SKAP2: variants seen among roughly 807,000 people sequenced by gnomAD.
SKAP2 encodes src kinase associated phosphoprotein 2.
SKAP2 carries 28 observed loss-of-function variants against 54.9 expected under a neutral mutation model. The ratio of observed to expected loss-of-function variants is 0.51; its 90% CI spans 0.38 to 0.70. The LOEUF is 0.70. Ranked by LOEUF, SKAP2 falls within the 30% of genes least tolerant of loss-of-function variation. SKAP2 has a pLI of 0.00. For missense variants in SKAP2, 356 were observed against 424.1 expected (o/e 0.84, Z 1.41); for synonymous variants, 137 against 134.3 (o/e 1.02, Z -0.14).
At chr7:26,860,269 C>T (rs868274926) in intron 1 of SKAP2, among the ~76,000 whole-genome samples, 1 of 152,076 alleles carries the variant, frequency 6.6e-6, no homozygotes, top group Admixed American at 6.6e-5. Flanking sequence ...AAAAGCAGGA[C>T]ATTATATACT....
chr7:26,834,777 C>A lies in SKAP2; in HGVS notation c.307+9253G>T, dbSNP rs148291025. Among the ~76,000 whole-genome samples, 1,348 of 152,264 alleles carry A rather than the reference C, an allele frequency of 8.9e-3. 20 individuals carry two copies. Among genetic ancestry groups the A allele is most frequent in the African/African-American group, 0.031 (1,287 of 41,536 alleles). On this transcript the variant is annotated intron_variant, in intron 4 of 12. Transcript: ENST00000345317. ...ATTCTACCAGAGGTACAAAGAGGAT[C>A]TGGTACCATTCCTTCTGAAACTATT...
intron 4 of SKAP2, among the ~76,000 whole-genome samples, chr7:26,832,130 T>C (rs772787363): frequency 8.5e-5 from 13 of 152,246 alleles, no homozygotes; most frequent in Non-Finnish European, 1.5e-5. Context: ...TTCTTCCTTC[T>C]TTAACCTCTT....
At chr7:26,820,933 CT>C (rs1784373201) in intron 4 of SKAP2, among the ~76,000 whole-genome samples, 1 of 152,116 alleles carries the variant, frequency 6.6e-6, no homozygotes, top group African/African-American at 2.4e-5. Flanking sequence ...CTACTACAAT[CT>C]TTTGAAATAC....
chr7:26,736,302 T>A (rs1787938605), intron 6 of SKAP2, among the ~76,000 whole-genome samples: 1 of 152,148 alleles, frequency 6.6e-6, no homozygotes, highest in South Asian at 2.1e-4. Context: ...GTGATGAAAA[T>A]GACCTTTGGT....
intron 4 of SKAP2, among the ~76,000 whole-genome samples, chr7:26,770,750 C>T (rs2127974754): frequency 6.6e-6 from 1 of 152,264 alleles, no homozygotes. Flanking sequence ...AGATGATGCT[C>T]CACCCTGCTT....
chr7:26,725,833 A>T (rs1787695330), intron 8 of SKAP2, 90 bp downstream of exon 8: 1 of 1,054,868 alleles, frequency 9.5e-7, no homozygotes, highest in Non-Finnish European at 1.4e-6. Context: ...TTCTCACAGA[A>T]GTCAATAAGC....
chr7:26,763,454 C>G (rs1328568735), intron 4 of SKAP2, among the ~76,000 whole-genome samples: 2 of 152,114 alleles, frequency 1.3e-5, no homozygotes, highest in Non-Finnish European at 2.9e-5. Flanking sequence ...CTATCCATCC[C>G]TGATGATGTT....
intron 4 of SKAP2, among the ~76,000 whole-genome samples, chr7:26,840,368 C>G (rs535675009): frequency 6.6e-6 from 1 of 152,052 alleles, no homozygotes; most frequent in Non-Finnish European, 1.5e-5. Flanking sequence ...ATCCTTTCAC[C>G]TTACCTTAGA....
At chr7:26,719,530 G>A (rs1272896162) in intron 9 of SKAP2, among the ~76,000 whole-genome samples, 5 of 152,088 alleles carry the variant, frequency 3.3e-5, no homozygotes, top group Non-Finnish European at 7.4e-5. Flanking sequence ...CACACCCACC[G>A]GTCTTTTCCT....
chr7:26,655,909 A>G, the SKAP2 span, among the ~76,000 whole-genome samples: 1 of 152,224 alleles, frequency 6.6e-6, no homozygotes, highest in African/African-American at 2.4e-5. Flanking sequence ...GGGTTTTAGC[A>G]TAAAGAGGCA....
chr7:26,733,815 T>G (rs147424422), intron 6 of SKAP2, among the ~76,000 whole-genome samples: 1 of 152,174 alleles, frequency 6.6e-6, no homozygotes, highest in Non-Finnish European at 1.5e-5. Flanking sequence ...GAAATAACCT[T>G]TGAATGACTT....
intron 4 of SKAP2, among the ~76,000 whole-genome samples, chr7:26,770,981 C>T (rs1233971850): frequency 1.3e-5 from 2 of 151,994 alleles, no homozygotes; most frequent in South Asian, 4.1e-4. Context: ...ACAAGTATAA[C>T]AACTGTTTAG....
At chr7:26,686,147 T>C (rs1310321654) in intron 10 of SKAP2, among the ~76,000 whole-genome samples, 1 of 152,084 alleles carries the variant, frequency 6.6e-6, no homozygotes, top group Non-Finnish European at 1.5e-5. Flanking sequence ...CTCTTTAATA[T>C]AAGAAATATT....
rs374948008 is a variant in SKAP2, at chr7:26,667,345, T to C, written c.*2321A>G. The C allele has an allele frequency of 6.6e-6, 1 of 152,170 alleles. No individual in the cohort carries two copies. The highest frequency in any genetic ancestry group is 1.9e-4 in the East Asian group (1 of 5,194). The allele number at this position is 152,170 out of a possible 1,614,324, so 9.4% of individuals were successfully genotyped here. On this transcript the variant is annotated 3_prime_UTR_variant, in exon 13 of 13. Transcript: ENST00000345317. ...ATTTATATTAATGATATTATTATGA[T>C]CTTGAAGAGTATGTGATATATTGTC... is the stretch of plus-strand genomic sequence containing the variant.
chr7:26,751,134 A>C (rs1584368335), intron 4 of SKAP2, among the ~76,000 whole-genome samples: 1 of 152,140 alleles, frequency 6.6e-6, no homozygotes, highest in Non-Finnish European at 1.5e-5. Flanking sequence ...CAGAGTTATA[A>C]TGTCTTCTAC....
At chr7:26,709,252 A>G (rs544809735) in intron 9 of SKAP2, among the ~76,000 whole-genome samples, 27 of 152,358 alleles carry the variant, frequency 1.8e-4, no homozygotes, top group African/African-American at 5.8e-4. Context: ...GGCTGCTAAC[A>G]GAAGTGAAAT....
intron 4 of SKAP2, among the ~76,000 whole-genome samples, chr7:26,841,840 T>A (rs941420096): frequency 3.3e-5 from 5 of 152,012 alleles, no homozygotes; most frequent in African/African-American, 1.2e-4. Context: ...GTGCCTTCCA[T>A]AAGGTAAAAG....
intron 4 of SKAP2, among the ~76,000 whole-genome samples, chr7:26,837,427 C>T (rs643036): frequency 0.43 from 65,551 of 151,876 alleles, 15,034 homozygotes; most frequent in East Asian, 0.56. Context: ...CTGAGAAAGC[C>T]TCAGGAAGCT....
chr7:26,747,210 A>G (rs1053517230), intron 4 of SKAP2, among the ~76,000 whole-genome samples: 4 of 152,168 alleles, frequency 2.6e-5, no homozygotes, highest in African/African-American at 7.2e-5. Context: ...GAAGAGATTC[A>G]CCAATGAATA....
Sources: gnomAD v4.1 joint callset for allele counts (sites outside exome capture counted in the v4.1 genomes callset) on GRCh38, gnomAD v4.1.1 for gene constraint, MANE v1.5 for transcripts, NCBI Gene and HGNC (gene_info 2026-07-23, HGNC 2026-07-21) for gene names.